DOK7: variants seen among roughly 807,000 people sequenced by gnomAD.
DOK7 encodes protein Dok-7.
DOK7 carries 32 observed loss-of-function variants against 30.7 expected under a neutral mutation model. The ratio of observed to expected loss-of-function variants is 1.04; its 90% confidence interval spans 0.79 to 1.40. DOK7 has a LOEUF of 1.40. Ranked by LOEUF, DOK7 falls within the 40% of genes most tolerant of loss-of-function variation. The pLI is 0.00. For synonymous variants in DOK7, 447 were observed against 324.1 expected (o/e 1.38, Z -4.07); for missense variants, 1,007 against 699.2 (o/e 1.44, Z -4.97).
intron 6 of DOK7, 98 bp downstream of exon 6, chr4:3,489,894 C>T: frequency 6.7e-7 from 1 of 1,494,308 alleles, no homozygotes; most frequent in South Asian, 1.3e-5. Flanking sequence ...TGCAGGCTCC[C>T]TCTGCTCATT....
intron 2 of DOK7, among the ~76,000 whole-genome samples, chr4:3,468,274 A>G (rs1209561857): frequency 1.3e-5 from 2 of 148,410 alleles, no homozygotes; most frequent in Non-Finnish European, 3.0e-5. Context: ...GCATGTGAAT[A>G]CCTGTGGGAG....
intron 2 of DOK7, among the ~76,000 whole-genome samples, chr4:3,469,388 G>A (rs999406727): frequency 6.6e-6 from 1 of 152,158 alleles, no homozygotes; most frequent in Non-Finnish European, 1.5e-5. Flanking sequence ...AGCCTTCCCT[G>A]GCCAGGTTGC....
chr4:3,485,694 G>A (rs748983509), intron 5 of DOK7, 36 bp downstream of exon 5: 23 of 1,505,970 alleles, frequency 1.5e-5, no homozygotes, highest in African/African-American at 9.9e-5. Flanking sequence ...GGGAGGGTGC[G>A]CTCGGCAGGC....
chr4:3,496,932 C>T (rs1728942982), downstream of DOK7: 1 of 1,115,982 alleles, frequency 9.0e-7, no homozygotes, highest in Non-Finnish European at 1.2e-6. Context: ...GCGCAGATGG[C>T]AGCCAGAGTT....
At chr4:3,483,704 G>A (rs1409112203) in intron 4 of DOK7, among the ~76,000 whole-genome samples, 5 of 152,242 alleles carry the variant, frequency 3.3e-5, no homozygotes, top group Non-Finnish European at 7.3e-5. Context: ...CCAGCTGTCT[G>A]TAAGCTCAGG....
chr4:3,493,684 G>GGGAGGTGAGTTCTGGAAGGCAGGGGCTCT lies in DOK7; in HGVS notation c.*186_*214dup. 1 of 1,445,516 alleles carries GGGAGGTGAGTTCTGGAAGGCAGGGGCTCT rather than the reference G, an allele frequency of 6.9e-7. No homozygotes were observed. The highest frequency in any genetic ancestry group is 9.1e-7 in the Non-Finnish European group (1 of 1,100,320). The allele number at this position is 1,445,516 out of a possible 1,614,324, so 89.5% of individuals were successfully genotyped here. ...GCCACCGGAGGAAGGGGCTGACTTGGGGAGGTGAGTTCTGGAAGGCAGGGG... is the reference window on the plus strand; with the variant it reads ...GCCACCGGAGGAAGGGGCTGACTTGGGGAGGTGAGTTCTGGAAGGCAGGGGCTCTGGAGGTGAGTTCTGGAAGGCAGGGG... On this transcript the variant is annotated 3_prime_UTR_variant, in exon 7 of 7. Coordinates refer to ENST00000340083, the MANE Select transcript of DOK7 (RefSeq NM_173660.5).
chr4:3,494,188 G>A lies in DOK7; in HGVS notation c.*687G>A, dbSNP rs1200668389. The A allele has an allele frequency of 3.2e-5, 32 of 985,572 alleles. No individual in the cohort carries two copies. Among genetic ancestry groups the A allele is most frequent in the South Asian group, 4.7e-5 (1 of 21,294 alleles). 61.1% of individuals were successfully genotyped at this position (985,572 alleles called of 1,614,324 possible). A position where few individuals can be genotyped will look rare whatever the true frequency, so the allele number is the denominator to read the frequency against. ...TGCTGACCCCACTGGGAGAGGCGCC[G>A]TGCCTCGGGCCCCTGGTGGGAGCTC... On this transcript the variant is annotated 3_prime_UTR_variant, in exon 7 of 7. Transcript: ENST00000340083.
chr4:3,492,364 T>C (rs1020477159), intron 6 of DOK7, among the ~76,000 whole-genome samples: 2 of 149,042 alleles, frequency 1.3e-5, no homozygotes. Context: ...GGGGCCGTGA[T>C]GGTGCGGAGG....
At chr4:3,484,353 G>A (rs1487304662) in intron 4 of DOK7, among the ~76,000 whole-genome samples, 2 of 152,232 alleles carry the variant, frequency 1.3e-5, no homozygotes, top group Admixed American at 6.5e-5. Context: ...TGAAGGCAGA[G>A]CATGACTGGG....
intron 4 of DOK7, 91 bp downstream of exon 4, chr4:3,476,633 C>A: frequency 6.5e-7 from 1 of 1,527,964 alleles, no homozygotes; most frequent in Non-Finnish European, 9.0e-7. Context: ...ACCCCACTTG[C>A]AGGCTGGCCT....
intron 6 of DOK7, among the ~76,000 whole-genome samples, chr4:3,490,003 CTTCCTTCTCCTCCTGCTCATTCA>C (rs1189542202): frequency 5.3e-5 from 6 of 114,262 alleles, no homozygotes; most frequent in South Asian, 3.3e-4. Flanking sequence ...CTGCTCATTC[CTTCCTTCTCCTCCTGCTCATTCA>C]TTCCTTCCTT....
intron 2 of DOK7, among the ~76,000 whole-genome samples, chr4:3,465,087 A>C (rs1016820826): frequency 1.3e-5 from 2 of 152,152 alleles, no homozygotes; most frequent in African/African-American, 4.8e-5. Flanking sequence ...CCTAGCACCC[A>C]CTGACTCACT....
At chr4:3,495,273 G>C (rs990374019), downstream of DOK7, among the ~76,000 whole-genome samples, 3 of 152,234 alleles carry the variant, frequency 2.0e-5, no homozygotes, top group Non-Finnish European at 2.9e-5. Context: ...TCTTGTTGCA[G>C]GACGAGTGAG....
At chr4:3,490,554 C>T (rs1384064171) in intron 6 of DOK7, among the ~76,000 whole-genome samples, 15 of 117,302 alleles carry the variant, frequency 1.3e-4, no homozygotes, top group African/African-American at 5.0e-4. Context: ...CCTTCTCCCC[C>T]TGCTCATTCG....
At chr4:3,479,503 G>T (rs550170724) in intron 4 of DOK7, among the ~76,000 whole-genome samples, 1 of 152,270 alleles carries the variant, frequency 6.6e-6, no homozygotes, top group African/African-American at 2.4e-5. Context: ...GTCGTGGGAA[G>T]GCCCTGGAAG....
chr4:3,467,721 AC>A (rs1726389351), intron 2 of DOK7, among the ~76,000 whole-genome samples: 1 of 152,176 alleles, frequency 6.6e-6, no homozygotes, highest in Non-Finnish European at 1.5e-5. Context: ...AGCGAATGCC[AC>A]AGCCTGGGCG....
At chr4:3,490,125 C>CT (rs1728143260) in intron 6 of DOK7, among the ~76,000 whole-genome samples, 2 of 43,092 alleles carry the variant, frequency 4.6e-5, no homozygotes, top group Non-Finnish European at 7.9e-5. Flanking sequence ...CATTCCTTTT[C>CT]TCCCTGCTCA....
intron 5 of DOK7, among the ~76,000 whole-genome samples, chr4:3,487,204 G>A (rs1560222012): frequency 7.1e-6 from 1 of 141,646 alleles, no homozygotes; most frequent in Non-Finnish European, 1.5e-5. Flanking sequence ...CTGCAGGTGT[G>A]TGGGGGCCTC....
At chr4:3,468,385 T>C (rs910634250) in intron 2 of DOK7, among the ~76,000 whole-genome samples, 13 of 151,854 alleles carry the variant, frequency 8.6e-5, no homozygotes, top group African/African-American at 2.9e-4. Flanking sequence ...TGCAAGTGTG[T>C]GCCGGTGTCT....
Sources: allele counts gnomAD v4.1 joint callset (sites outside exome capture counted in the v4.1 genomes callset), GRCh38; gene constraint gnomAD v4.1.1; transcripts MANE v1.5; gene names NCBI Gene and HGNC (gene_info 2026-07-23, HGNC 2026-07-21).